Variants in DLGAP2 observed in about 807,000 individuals in gnomAD.
The protein encoded by DLGAP2 is DLG associated protein 2.
A neutral mutation model predicts 100.3 loss-of-function variants in DLGAP2; 26 were observed. That is an observed-to-expected ratio of 0.26 (90% CI 0.19 to 0.36). The LOEUF is 0.36. Ranked by LOEUF, DLGAP2 falls within the 10% of genes least tolerant of loss-of-function variation. The probability of loss-of-function intolerance (pLI) is 1.00; values close to 1 mark genes in which losing one functional copy is unlikely to be tolerated. For missense variants in DLGAP2, 1,858 were observed against 1,453.2 expected (o/e 1.28, Z -4.53); for synonymous variants, 886 against 630.1 (o/e 1.41, Z -6.08).
chr8:1,360,344 C>G (rs1801955683), intron 3 of DLGAP2, among the ~76,000 whole-genome samples: 2 of 151,498 alleles, frequency 1.3e-5, no homozygotes, highest in Non-Finnish European at 1.5e-5. Flanking sequence ...GTGCTTTCAA[C>G]AAATCACCAG....
At chr8:1,558,129 A>G (rs1190604579) in intron 5 of DLGAP2, among the ~76,000 whole-genome samples, 1 of 152,174 alleles carries the variant, frequency 6.6e-6, no homozygotes, top group African/African-American at 2.4e-5. Flanking sequence ...GGGGGCTCCC[A>G]TGTGGGTGGG....
intron 4 of DLGAP2, among the ~76,000 whole-genome samples, chr8:1,506,719 C>A (rs1368095939): frequency 6.6e-6 from 1 of 152,184 alleles, no homozygotes; most frequent in Non-Finnish European, 1.5e-5. Context: ...TTACAAAGAG[C>A]TGATTGGTCT....
At chr8:1,206,780 C>G (rs138760684) in intron 2 of DLGAP2, among the ~76,000 whole-genome samples, 1 of 152,220 alleles carries the variant, frequency 6.6e-6, no homozygotes, top group Non-Finnish European at 1.5e-5. Flanking sequence ...GCCATCGCTG[C>G]TACCATTCTT....
intron 3 of DLGAP2, among the ~76,000 whole-genome samples, chr8:1,289,285 C>T (rs1221310226): frequency 6.6e-6 from 1 of 152,196 alleles, no homozygotes; most frequent in Non-Finnish European, 1.5e-5. Flanking sequence ...TACATAGAGA[C>T]AGCTACTTAT....
rs145131196 is a variant in DLGAP2 at position 1,517,434 on chromosome 8, G to A, written c.172+16003G>A. Among the ~76,000 whole-genome samples, 217 of 152,220 alleles carry A rather than the reference G, an allele frequency of 1.4e-3. 3 individuals are homozygous for A. Among genetic ancestry groups the A allele is most frequent in the African/African-American group, 5.1e-3 (210 of 41,548 alleles). ...AGTGCTTGGTCCTGCAACACCTTAC[G>A]TCTCAGGGCGTTTCCCCACCCCCTG... On this transcript the variant is annotated intron_variant, in intron 4 of 14. Transcript: ENST00000637795.
chr8:1,303,402 CAAAAAAAA>C (rs374350701), intron 3 of DLGAP2, among the ~76,000 whole-genome samples: 3 of 125,308 alleles, frequency 2.4e-5, no homozygotes, highest in Admixed American at 8.1e-5. Flanking sequence ...GTCTCAAAAA[CAAAAAAAA>C]AAAAAAAAAA....
intron 2 of DLGAP2, among the ~76,000 whole-genome samples, chr8:1,238,509 AGTTCTCTCACATGGCGCCGTGTCTG>A: frequency 8.0e-6 from 1 of 124,228 alleles, no homozygotes; most frequent in Admixed American, 7.9e-5. Flanking sequence ...CGCCGTGTCT[AGTTCTCTCACATGGCGCCGTGTCTG>A]GTTCTCTCAC....
intron 3 of DLGAP2, 144 bp from the exon 4 acceptor site, chr8:1,501,222 C>T (rs1799711178): frequency 2.4e-6 from 2 of 832,210 alleles, no homozygotes; most frequent in Admixed American, 2.4e-5. Context: ...AAATGCTGGG[C>T]TCTGAGCGGT....
chr8:1,359,218 A>G (rs141445839), intron 3 of DLGAP2, among the ~76,000 whole-genome samples: 97 of 152,226 alleles, frequency 6.4e-4, no homozygotes, highest in East Asian at 4.8e-3. Context: ...GGTAAACTCA[A>G]CAGGAAAATC....
intron 1 of DLGAP2, among the ~76,000 whole-genome samples, chr8:751,366 C>T (rs1820784475): frequency 1.3e-5 from 2 of 152,352 alleles, no homozygotes; most frequent in Non-Finnish European, 2.9e-5. Context: ...TGGAAAGGAG[C>T]GTTTTCCTGG....
At chr8:1,480,905 G>A (rs1056355541) in intron 3 of DLGAP2, among the ~76,000 whole-genome samples, 8 of 151,722 alleles carry the variant, frequency 5.3e-5, no homozygotes, top group South Asian at 2.1e-4. Context: ...GGGAAGGGTG[G>A]CTTACGCCTG....
At chr8:1,348,806 T>C (rs1801634322) in intron 3 of DLGAP2, among the ~76,000 whole-genome samples, 1 of 152,316 alleles carries the variant, frequency 6.6e-6, no homozygotes, top group South Asian at 2.1e-4. Flanking sequence ...AGCGTGTTGA[T>C]GGATTCAGCA....
chr8:1,080,865 C>G (rs1803783748), intron 2 of DLGAP2, among the ~76,000 whole-genome samples: 1 of 152,162 alleles, frequency 6.6e-6, no homozygotes, highest in Non-Finnish European at 1.5e-5. Flanking sequence ...TGGACATTTA[C>G]TGTATTAAAT....
chr8:1,206,786 T>A (rs1798005186), intron 2 of DLGAP2, among the ~76,000 whole-genome samples: 1 of 152,184 alleles, frequency 6.6e-6, no homozygotes, highest in Non-Finnish European at 1.5e-5. Context: ...GCTGCTACCA[T>A]TCTTTGTCTG....
chr8:1,234,497 AG>A (rs1798602856), intron 2 of DLGAP2, among the ~76,000 whole-genome samples: 1 of 152,160 alleles, frequency 6.6e-6, no homozygotes, highest in South Asian at 2.1e-4. Context: ...CCCCAGGATT[AG>A]GGTGACCTCT....
intron 1 of DLGAP2, among the ~76,000 whole-genome samples, chr8:868,156 T>C (rs966960000): frequency 2.0e-5 from 3 of 152,242 alleles, no homozygotes; most frequent in Admixed American, 6.5e-5. Context: ...TAATTAACCC[T>C]ATGGATACAG....
chr8:771,820 C>G (rs942158998), intron 1 of DLGAP2, among the ~76,000 whole-genome samples: 2 of 152,200 alleles, frequency 1.3e-5, no homozygotes, highest in African/African-American at 4.8e-5. Flanking sequence ...ATAGAATAAA[C>G]AATGGAAAGG....
chr8:814,577 A>T (rs961664320), intron 1 of DLGAP2, among the ~76,000 whole-genome samples: 4 of 152,120 alleles, frequency 2.6e-5, no homozygotes, highest in Non-Finnish European at 5.9e-5. Flanking sequence ...AGTTTTGTAA[A>T]ATGACCAATT....
chr8:1,312,497 A>C (rs1168974203), intron 3 of DLGAP2, among the ~76,000 whole-genome samples: 1 of 152,190 alleles, frequency 6.6e-6, no homozygotes, highest in African/African-American at 2.4e-5. Flanking sequence ...GAAAACACAC[A>C]TGGAGACAAG....
Sources: allele counts gnomAD v4.1 joint callset (sites outside exome capture counted in the v4.1 genomes callset), GRCh38; gene constraint gnomAD v4.1.1; transcripts MANE v1.5; gene names NCBI Gene and HGNC (gene_info 2026-07-23, HGNC 2026-07-21).